GLRB: variants seen among roughly 807,000 people sequenced by gnomAD.
The protein encoded by GLRB is glycine receptor subunit beta.
GLRB carries 33 observed loss-of-function variants against 54.2 expected under a neutral mutation model. That is an observed-to-expected ratio of 0.61 (90% CI 0.46 to 0.81). The LOEUF (loss-of-function observed/expected upper bound fraction) is 0.81. GLRB is among the 40% of genes least tolerant of loss of function. The pLI is 0.00. For missense variants in GLRB, 572 were observed against 584.6 expected (o/e 0.98, Z 0.22); for synonymous variants, 209 against 208.2 (o/e 1.00, Z -0.03).
chr4:157,147,302 C>G (rs1218819220), intron 8 of GLRB, among the ~76,000 whole-genome samples: 1 of 152,166 alleles, frequency 6.6e-6, no homozygotes, highest in African/African-American at 2.4e-5. Context: ...CAAAGTATTT[C>G]TAGGTCAAGA....
At chr4:157,158,865 G>T (rs1737345373) in intron 9 of GLRB, among the ~76,000 whole-genome samples, 1 of 149,268 alleles carries the variant, frequency 6.7e-6, no homozygotes, top group Non-Finnish European at 1.5e-5. Flanking sequence ...CCAATTCTAT[G>T]AAGAAAGTCA....
At chr4:157,142,786 C>T (rs1180021069) in intron 7 of GLRB, among the ~76,000 whole-genome samples, 2 of 151,826 alleles carry the variant, frequency 1.3e-5, no homozygotes, top group African/African-American at 2.4e-5. Flanking sequence ...AAACAGAAAA[C>T]GATTATAGAT....
At chr4:157,112,300 C>T (rs1215889648) in intron 2 of GLRB, among the ~76,000 whole-genome samples, 3 of 151,020 alleles carry the variant, frequency 2.0e-5, no homozygotes, top group Middle Eastern at 3.4e-3. Context: ...TCTAAACTCA[C>T]AGCTTTAAAT....
chr4:157,163,829 AGT>A lies in GLRB; in HGVS notation c.1198-6580_1198-6579del, dbSNP rs3054934. On this transcript the variant is annotated intron_variant, in intron 9 of 9. Coordinates refer to ENST00000264428, the MANE Select transcript of GLRB (RefSeq NM_000824.5). ...CTCCCTTTTATAGTCTGTCTGTGTG[AGT>A]GTGTGTGTGTGTGTGTGTGTGTTTT... Among the ~76,000 whole-genome samples, 84 of 146,158 alleles carry A rather than the reference AGT, an allele frequency of 5.7e-4. 1 individual carries two copies. Among genetic ancestry groups the A allele is most frequent in the South Asian group, 2.0e-3 (9 of 4,594 alleles).
intron 9 of GLRB, among the ~76,000 whole-genome samples, chr4:157,157,326 C>T (rs1252188962): frequency 5.3e-5 from 8 of 151,948 alleles, no homozygotes; most frequent in Non-Finnish European, 1.2e-4. Context: ...CAGTGTGGAT[C>T]GGGCTGCCTC....
chr4:157,126,337 C>T (rs908325811), intron 4 of GLRB, among the ~76,000 whole-genome samples: 1 of 151,686 alleles, frequency 6.6e-6, no homozygotes, highest in African/African-American at 2.4e-5. Flanking sequence ...ATTAATATTC[C>T]TTAAGGTCTT....
chr4:157,108,838 A>T (rs1474785117), intron 2 of GLRB, among the ~76,000 whole-genome samples: 1 of 152,058 alleles, frequency 6.6e-6, no homozygotes, highest in Admixed American at 6.6e-5. Context: ...GGAAGAGTCC[A>T]TTGATCTAGC....
intron 4 of GLRB, among the ~76,000 whole-genome samples, chr4:157,125,859 A>G (rs1735997488): frequency 6.6e-6 from 1 of 151,970 alleles, no homozygotes; most frequent in African/African-American, 2.4e-5. Context: ...GAGGCTGGAG[A>G]ATCACTTGAA....
intron 9 of GLRB, among the ~76,000 whole-genome samples, chr4:157,164,765 G>A (rs1048126600): frequency 6.6e-6 from 1 of 152,078 alleles, no homozygotes; most frequent in Non-Finnish European, 1.5e-5. Context: ...CTAGAGCATT[G>A]TAGAATACAT....
intron 9 of GLRB, among the ~76,000 whole-genome samples, chr4:157,162,063 C>T (rs888454852): frequency 3.3e-5 from 5 of 152,162 alleles, no homozygotes; most frequent in South Asian, 4.1e-4. Flanking sequence ...CTTCTCTTCT[C>T]GCTTCATTTC....
At chr4:157,115,059 C>T (rs1205379974) in intron 2 of GLRB, among the ~76,000 whole-genome samples, 1 of 151,738 alleles carries the variant, frequency 6.6e-6, no homozygotes, top group Non-Finnish European at 1.5e-5. Context: ...ATTTGGAATT[C>T]TTCATGAGTG....
rs146048218 is a variant in GLRB at position 157,127,177 on chromosome 4, C to T, written c.297+4780C>T. 4.9e-3 allele frequency among the ~76,000 whole-genome samples: 745 copies of T among 151,616 alleles called. 9 individuals are homozygous for T. Among genetic ancestry groups the T allele is most frequent in the African/African-American group, 0.017 (701 of 41,436 alleles). ...TATTTTTATATTTAGATTTAAAATG[C>T]TTTCCTTAAAACTTGCCTCAGTTTA... On this transcript the variant is annotated intron_variant, in intron 4 of 9. Transcript: ENST00000264428.
At chr4:157,138,140 C>T (rs1736473351) in intron 6 of GLRB, among the ~76,000 whole-genome samples, 1 of 152,146 alleles carries the variant, frequency 6.6e-6, no homozygotes, top group South Asian at 2.1e-4. Context: ...GGTGCGATCT[C>T]AGCTCACTGC....
At chr4:157,126,470 T>A (rs571006619) in intron 4 of GLRB, among the ~76,000 whole-genome samples, 1 of 151,974 alleles carries the variant, frequency 6.6e-6, no homozygotes, top group South Asian at 2.1e-4. Flanking sequence ...TTTTGTAAGG[T>A]ATCATTATCA....
intron 7 of GLRB, among the ~76,000 whole-genome samples, chr4:157,140,931 G>A (rs73856839): frequency 0.15 from 23,322 of 151,552 alleles, 1,989 homozygotes; most frequent in African/African-American, 0.23. Flanking sequence ...GAAAGTCCTA[G>A]GAGTGTTCAT....
Position 157,143,929 on chromosome 4 carries a change from C to A in GLRB, c.874C>A (p.Pro292Thr). The A allele has an allele frequency of 6.2e-7, 1 of 1,614,036 alleles. No homozygotes were observed. The highest frequency in any genetic ancestry group is 8.5e-7 in the Non-Finnish European group (1 of 1,179,990). Reference protein sequence around the residue: ...VLSWLSFWINPDASAARVPLG... With the variant: ...VLSWLSFWINTDASAARVPLG... ...CTCCTGGCTTTCCTTCTGGATCAACCCGGACGCGAGTGCTGCCAGAGTGCC... is the reference window on the plus strand; with the variant it reads ...CTCCTGGCTTTCCTTCTGGATCAACACGGACGCGAGTGCTGCCAGAGTGCC... The change falls in exon 8 of 10, where the codon CCG becomes ACG. Residue 292 changes from proline (P) to threonine (T), a missense_variant. Transcript: ENST00000264428.
chr4:157,135,070 G>A (rs543015943), intron 4 of GLRB, among the ~76,000 whole-genome samples: 80 of 152,154 alleles, frequency 5.3e-4, no homozygotes, highest in African/African-American at 1.9e-3. Context: ...TGGTATGATA[G>A]TAATATATTT....
At chr4:157,119,155 C>G (rs567520965) in intron 2 of GLRB, among the ~76,000 whole-genome samples, 1 of 151,628 alleles carries the variant, frequency 6.6e-6, no homozygotes, top group East Asian at 2.0e-4. Flanking sequence ...ATAAAGAGTT[C>G]ATGACAAATA....
At chr4:157,091,055 GA>G (rs1734591005) in intron 2 of GLRB, among the ~76,000 whole-genome samples, 1 of 152,018 alleles carries the variant, frequency 6.6e-6, no homozygotes, top group South Asian at 2.1e-4. Context: ...GCTTTTCATG[GA>G]ACTATTAATA....
Sources: gnomAD v4.1 joint callset for allele counts (sites outside exome capture counted in the v4.1 genomes callset) on GRCh38, gnomAD v4.1.1 for gene constraint, MANE v1.5 for transcripts, NCBI Gene and HGNC (gene_info 2026-07-23, HGNC 2026-07-21) for gene names.